The following C15orf40 variants were observed in gnomAD, a reference collection of about 807,000 sequenced individuals.
C15orf40 encodes the protein UPF0235 protein C15orf40.
Under a neutral mutation model 13.9 loss-of-function variants are expected in C15orf40, and 9 were observed. The ratio of observed to expected loss-of-function variants is 0.65; its 90% CI spans 0.39 to 1.13. C15orf40 has a LOEUF of 1.13. Ranked by LOEUF, C15orf40 falls within the 50% of genes most tolerant of loss-of-function variation. C15orf40 has a pLI of 0.01. For synonymous variants in C15orf40, 95 were observed against 69.2 expected (o/e 1.37, Z -1.85); for missense variants, 225 against 188.5 (o/e 1.19, Z -1.13).
intron 1 of C15orf40, chr15:83,011,267 G>A (rs34022661): frequency 4.4e-6 from 2 of 453,282 alleles, no homozygotes; most frequent in African/African-American, 2.1e-5. Context: ...GGCTGCCGCC[G>A]GGCCCAGCGC....
chr15:83,005,775 G>T, intron 3 of C15orf40, 83 bp from the exon 4 acceptor site: 1 of 1,483,090 alleles, frequency 6.7e-7, no homozygotes, highest in Non-Finnish European at 9.0e-7. Context: ...TTGTATAATG[G>T]GCTCTCCTGA....
At chr15:82,994,520 A>G (rs894971426), downstream of C15orf40, among the ~76,000 whole-genome samples, 1 of 152,184 alleles carries the variant, frequency 6.6e-6, no homozygotes, top group Non-Finnish European at 1.5e-5. Context: ...AATAATCTAC[A>G]GTGAAAAGGA....
rs1038647961 is a variant in C15orf40 at position 82,997,058 on chromosome 15, T to G, written c.*8539A>C. On this transcript the variant is annotated 3_prime_UTR_variant, in exon 4 of 4. Coordinates refer to ENST00000304177, the MANE Select transcript of C15orf40 (RefSeq NM_144597.3). ...ATAATAATAATTATTATTATTATTT[T>G]TAACTGACTTCTATAGCTGTTATTT... The G allele has an allele frequency of 3.4e-5, 5 of 148,826 alleles. No homozygotes were observed. Among genetic ancestry groups the G allele is most frequent in the Non-Finnish European group, 5.9e-5 (4 of 67,314 alleles). The allele number at this position is 148,826 out of a possible 1,614,324, so 9.2% of individuals were successfully genotyped here. A position where few individuals can be genotyped will look rare whatever the true frequency, so the allele number is the denominator to read the frequency against.
chr15:82,992,755 CT>C (rs1284315142), downstream of C15orf40, among the ~76,000 whole-genome samples: 2 of 152,156 alleles, frequency 1.3e-5, 1 homozygote, highest in African/African-American at 4.8e-5. Context: ...AGCTAGGCTG[CT>C]TGTGTCCTGA....
At chr15:83,007,307 G>A (rs112728407) in intron 3 of C15orf40, among the ~76,000 whole-genome samples, 3 of 152,304 alleles carry the variant, frequency 2.0e-5, no homozygotes, top group African/African-American at 2.4e-5. Context: ...ATTGTTTAGC[G>A]TGGTGATGAC....
Position 83,001,274 on chromosome 15 carries a change from G to C in C15orf40, c.*4323C>G, listed in dbSNP as rs1273460349. 1 of 985,312 alleles carries C rather than the reference G, an allele frequency of 1.0e-6. No individual in the cohort carries two copies. The allele number at this position is 985,312 out of a possible 1,614,324, so 61.0% of individuals were successfully genotyped here. A position where few individuals can be genotyped will look rare whatever the true frequency, so the allele number is the denominator to read the frequency against. The stretch of plus-strand genomic sequence containing the variant: ...AGGCTGTTCTTTCCCAGGATCTGTC[G>C]AAGTACAGCATAGGCAAACCACCTA... On this transcript the variant is annotated 3_prime_UTR_variant, in exon 4 of 4. Coordinates refer to ENST00000304177, the MANE Select transcript of C15orf40 (RefSeq NM_144597.3).
intron 3 of C15orf40, 79 bp downstream of exon 3, chr15:83,008,469 A>G (rs1173952674): frequency 5.4e-6 from 8 of 1,482,044 alleles, no homozygotes; most frequent in Non-Finnish European, 7.4e-6. Flanking sequence ...CAGTGAGCCA[A>G]GACTACGCCA....
intron 1 of C15orf40, chr15:83,011,192 G>C (rs992818804): frequency 6.4e-6 from 2 of 311,764 alleles, no homozygotes; most frequent in Admixed American, 5.0e-5. Flanking sequence ...GCGGGAACAT[G>C]AATTGCTGGA....
rs550348206 is a variant in C15orf40 at position 83,000,835 on chromosome 15, A to T, written c.*4762T>A. 12 of 152,466 alleles carry T rather than the reference A, an allele frequency of 7.9e-5. No homozygotes were observed. Among genetic ancestry groups the T allele is most frequent in the African/African-American group, 2.9e-4 (12 of 41,574 alleles). The allele number at this position is 152,466 out of a possible 1,614,324, so 9.4% of individuals were successfully genotyped here. On this transcript the variant is annotated 3_prime_UTR_variant, in exon 4 of 4. Coordinates refer to ENST00000304177, the MANE Select transcript of C15orf40 (RefSeq NM_144597.3). Reference sequence around the variant, plus strand: ...TTAGGTATTTGGAACTTTATTTTTCAAGATGGAATCTCTGTCGCCCAGGCT... The same window carrying T: ...TTAGGTATTTGGAACTTTATTTTTCTAGATGGAATCTCTGTCGCCCAGGCT...
rs2031205492 is a variant in C15orf40, at chr15:82,998,054, AT to A, written c.*7542del. On this transcript the variant is annotated 3_prime_UTR_variant, in exon 4 of 4. Transcript: ENST00000304177. ...TCCCGGACGGGGCGGCTGACCCCCC[AT>A]CTCCCTCCCGGACGGGGTGGCTGGC... is the stretch of plus-strand genomic sequence containing the variant. The A allele has an allele frequency of 8.2e-6, 1 of 121,802 alleles. No homozygotes were observed. The highest frequency in any genetic ancestry group is 3.2e-5 in the African/African-American group (1 of 31,104). 7.5% of individuals were successfully genotyped at this position (121,802 alleles called of 1,614,324 possible).
chr15:82,993,418 T>C (rs2030937229), downstream of C15orf40, among the ~76,000 whole-genome samples: 1 of 152,238 alleles, frequency 6.6e-6, no homozygotes, highest in Non-Finnish European at 1.5e-5. Flanking sequence ...TGTTTCCTTA[T>C]GTTAATTCAT....
chr15:82,997,189 TTTTG>T lies in C15orf40; in HGVS notation c.*8404_*8407del, dbSNP rs1479619664. ...AACATGGTCTTTATTTCTATTATGCTTTTGTTTTTCATTTTTATTTATTTATTTT... is the reference window on the plus strand; with the variant it reads ...AACATGGTCTTTATTTCTATTATGCTTTTTTCATTTTTATTTATTTATTTT... On this transcript the variant is annotated 3_prime_UTR_variant, in exon 4 of 4. Transcript: ENST00000304177. The T allele has an allele frequency of 6.0e-5, 9 of 149,892 alleles. No homozygotes were observed. The highest frequency in any genetic ancestry group is 2.0e-4 in the African/African-American group (8 of 40,732). 9.3% of individuals were successfully genotyped at this position (149,892 alleles called of 1,614,324 possible). A position where few individuals can be genotyped will look rare whatever the true frequency, so the allele number is the denominator to read the frequency against.
rs1031015133 is a variant in C15orf40, at chr15:82,994,862, C to G, written c.*10735G>C. ...TTATTTATGAACACAGAAAGATATG[C>G]TTTTAAAACTCTCAAATTTTAAAAT... On this transcript the variant is annotated 3_prime_UTR_variant, in exon 4 of 4. Transcript: ENST00000304177. 2.0e-5 allele frequency: 3 copies of G among 152,138 alleles called. No homozygotes were observed. The highest frequency in any genetic ancestry group is 7.2e-5 in the African/African-American group (3 of 41,426). The allele number at this position is 152,138 out of a possible 1,614,324, so 9.4% of individuals were successfully genotyped here.
At chr15:83,010,465 G>T in intron 1 of C15orf40, 102 bp from the exon 2 acceptor site, 2 of 1,391,330 alleles carry the variant, frequency 1.4e-6, no homozygotes, top group Non-Finnish European at 1.0e-6. Context: ...GACAAACTAG[G>T]CTCATCAGTG....
In C15orf40 at chr15:83,011,485, C is replaced by T; in HGVS notation, c.111+12G>A. ...GGCCCACCCCTCTGCCGCCACGGGA[C>T]CTGCTACTGGCCTTGGTCGTCGCAC... On this transcript the variant is annotated intron_variant, in intron 1 of 3. Coordinates refer to ENST00000304177, the MANE Select transcript of C15orf40 (RefSeq NM_144597.3). 6.3e-7 allele frequency: 1 copy of T among 1,595,632 alleles called. No homozygotes were observed. Among genetic ancestry groups the T allele is most frequent in the Non-Finnish European group, 8.5e-7 (1 of 1,172,390 alleles).
chr15:82,989,224 C>T, downstream of C15orf40: 5 of 1,603,482 alleles, frequency 3.1e-6, no homozygotes, highest in Non-Finnish European at 4.3e-6. Context: ...GATAGTTGAT[C>T]TGGCAGAGGA....
chr15:83,008,791 C>T, intron 2 of C15orf40, 116 bp from the exon 3 acceptor site: 3 of 1,177,428 alleles, frequency 2.5e-6, no homozygotes, highest in Non-Finnish European at 3.5e-6. Flanking sequence ...CAATTAAAAA[C>T]TGTTGAATGA....
chr15:83,005,107 G>T lies in C15orf40; in HGVS notation c.*490C>A. 8.8e-7 allele frequency: 1 copy of T among 1,130,394 alleles called. No individual in the cohort carries two copies. The highest frequency in any genetic ancestry group is 1.1e-6 in the Non-Finnish European group (1 of 901,538). 70.0% of individuals were successfully genotyped at this position (1,130,394 alleles called of 1,614,324 possible). A position where few individuals can be genotyped will look rare whatever the true frequency, so the allele number is the denominator to read the frequency against. The stretch of plus-strand genomic sequence containing the variant: ...ACATGTTCCAGGCTGTTTGGGGTTT[G>T]GGATTTTAGAACCTGATGCAATGTA... On this transcript the variant is annotated 3_prime_UTR_variant, in exon 4 of 4. Coordinates refer to ENST00000304177, the MANE Select transcript of C15orf40 (RefSeq NM_144597.3).
At position 83,005,579 on chromosome 15, in the gene C15orf40, C is replaced by T. The variant is rs545300729; in HGVS notation, c.*18G>A. The T allele has an allele frequency of 1.0e-5, 16 of 1,594,454 alleles. No individual in the cohort carries two copies. In the East Asian group the frequency reaches 1.1e-4, roughly 11 times the overall value. Reference sequence around the variant, plus strand: ...GATTACAGGCATGAGCCACTGCGCCCGGCCTCATTTCTTGCTTTTATGTTT... The same window carrying T: ...GATTACAGGCATGAGCCACTGCGCCTGGCCTCATTTCTTGCTTTTATGTTT... On this transcript the variant is annotated 3_prime_UTR_variant, in exon 4 of 4. Coordinates refer to ENST00000304177, the MANE Select transcript of C15orf40 (RefSeq NM_144597.3).
Sources: allele counts gnomAD v4.1 joint callset (sites outside exome capture counted in the v4.1 genomes callset), GRCh38; gene constraint gnomAD v4.1.1; transcripts MANE v1.5; gene names NCBI Gene and HGNC (gene_info 2026-07-23, HGNC 2026-07-21).